Variants in PRKCI observed in about 807,000 individuals in gnomAD.
PRKCI encodes protein kinase C iota.
Under a neutral mutation model 84.0 loss-of-function variants are expected in PRKCI, and 43 were observed. The ratio of observed to expected loss-of-function variants is 0.51; its 90% CI spans 0.40 to 0.66. PRKCI has a LOEUF of 0.66. Among genes scored for constraint, PRKCI ranks in the 30% least tolerant of loss-of-function variants. PRKCI has a pLI of 0.00. For synonymous variants in PRKCI, 216 were observed against 234.4 expected, an observed-to-expected ratio of 0.92 and a Z score of 0.72; for missense variants, 459 against 745.6, an observed-to-expected ratio of 0.62 and a Z score of 4.48.
intron 2 of PRKCI, among the ~76,000 whole-genome samples, chr3:170,245,419 A>G (rs917778066): frequency 2.0e-5 from 3 of 152,064 alleles, no homozygotes; most frequent in African/African-American, 7.2e-5. Flanking sequence ...GCTTCTGGAA[A>G]ACTCACACAT....
intron 15 of PRKCI, among the ~76,000 whole-genome samples, chr3:170,297,077 A>G (rs1487385856): frequency 6.6e-6 from 1 of 152,176 alleles, no homozygotes; most frequent in African/African-American, 2.4e-5. Flanking sequence ...GGAATTGGTG[A>G]TGATTCTCTG....
intron 2 of PRKCI, among the ~76,000 whole-genome samples, chr3:170,255,411 C>A (rs553352326): frequency 6.6e-6 from 1 of 151,988 alleles, no homozygotes; most frequent in African/African-American, 2.4e-5. Context: ...TTTTTATTTG[C>A]AGTTACTGTA....
intron 2 of PRKCI, among the ~76,000 whole-genome samples, chr3:170,256,781 T>C (rs892491489): frequency 2.6e-5 from 4 of 152,154 alleles, no homozygotes; most frequent in Admixed American, 6.5e-5. Flanking sequence ...GCCTTTCTCC[T>C]TTTTTTGATG....
At chr3:170,297,459 G>A in intron 16 of PRKCI, 66 bp downstream of exon 16, 3 of 1,312,446 alleles carry the variant, frequency 2.3e-6, no homozygotes, top group Non-Finnish European at 3.2e-6. Context: ...TTTTGTTGTT[G>A]TTCTGTTTGT....
In PRKCI at chr3:170,275,133, G is replaced by T. The variant is rs1734082190; in HGVS notation, c.647-96G>T. Reference sequence around the variant, plus strand: ...GAAGTAAAAACTAAAATAAAAATCAGGAGACAATTTTTATTTCAAACTCAT... The same window carrying T: ...GAAGTAAAAACTAAAATAAAAATCATGAGACAATTTTTATTTCAAACTCAT... On this transcript the variant is annotated intron_variant, in intron 7 of 17. Transcript: ENST00000295797. 6 of 1,355,586 alleles carry T rather than the reference G, an allele frequency of 4.4e-6. No individual in the cohort carries two copies. The South Asian group carries it at 7.5e-5, about 17-fold the overall frequency. The allele number at this position is 1,355,586 out of a possible 1,614,324, so 84.0% of individuals were successfully genotyped here.
chr3:170,297,420 T>G, intron 16 of PRKCI, 27 bp downstream of exon 16: 1 of 1,545,314 alleles, frequency 6.5e-7, no homozygotes, highest in Non-Finnish European at 8.9e-7. Context: ...TACTCAACTA[T>G]TAGGTTTCAT....
intron 1 of PRKCI, among the ~76,000 whole-genome samples, chr3:170,223,585 T>A (rs1195081660): frequency 2.0e-5 from 3 of 152,206 alleles, no homozygotes; most frequent in Non-Finnish European, 4.4e-5. Context: ...TGACGCAAAG[T>A]GCCCCCCTTC....
At chr3:170,257,144 T>TGG (rs546704733) in intron 2 of PRKCI, among the ~76,000 whole-genome samples, 45 of 152,210 alleles carry the variant, frequency 3.0e-4, no homozygotes, top group Admixed American at 2.7e-3. Flanking sequence ...AATAAGTGGG[T>TGG]GGGTATATAG....
intron 2 of PRKCI, among the ~76,000 whole-genome samples, chr3:170,250,566 G>C (rs908419859): frequency 6.6e-5 from 10 of 150,488 alleles, no homozygotes; most frequent in Non-Finnish European, 1.3e-4. Flanking sequence ...ACTGATTCTA[G>C]ACATTTCCTA....
chr3:170,252,574 G>T (rs746495478), intron 2 of PRKCI, among the ~76,000 whole-genome samples: 1 of 151,198 alleles, frequency 6.6e-6, no homozygotes, highest in Non-Finnish European at 1.5e-5. Context: ...TCAAGTACTA[G>T]ATCTTTTTTT....
chr3:170,260,611 G>T (rs1733699979), intron 3 of PRKCI, among the ~76,000 whole-genome samples: 1 of 151,890 alleles, frequency 6.6e-6, no homozygotes, highest in South Asian at 2.1e-4. Context: ...CACCACCATG[G>T]CTGGCTAATT....
chr3:170,225,317 T>G (rs1732600754), intron 1 of PRKCI, among the ~76,000 whole-genome samples: 1 of 152,202 alleles, frequency 6.6e-6, no homozygotes, highest in African/African-American at 2.4e-5. Flanking sequence ...GTTTGTATAG[T>G]CTAAACTGAT....
In PRKCI at chr3:170,270,626, A is replaced by T; in HGVS notation, c.591+65A>T. ...GCGTGCTTGATAACACTGCTATAACAGAGTGCTAAAATAGGGAGGTGTTCA... is the reference window on the plus strand; with the variant it reads ...GCGTGCTTGATAACACTGCTATAACTGAGTGCTAAAATAGGGAGGTGTTCA... On this transcript the variant is annotated intron_variant, in intron 6 of 17. Transcript: ENST00000295797. 4.0e-6 allele frequency: 6 copies of T among 1,493,254 alleles called. No individual in the cohort carries two copies. In the South Asian group the frequency reaches 5.2e-5, roughly 13 times the overall value. 92.5% of individuals were successfully genotyped at this position (1,493,254 alleles called of 1,614,324 possible). A position where few individuals can be genotyped will look rare whatever the true frequency, so the allele number is the denominator to read the frequency against.
In PRKCI at chr3:170,222,654, GC is replaced by G; in HGVS notation, c.-15del. 6.4e-7 allele frequency: 1 copy of G among 1,562,400 alleles called. No individual in the cohort carries two copies. The highest frequency in any genetic ancestry group is 1.8e-5 in the Admixed American group (1 of 54,374). On this transcript the variant is annotated 5_prime_UTR_variant, in exon 1 of 18. Transcript: ENST00000295797. ...CGCACCCCCGGCCTCCAGCGTTGAGGCGGGGGAGTGAGGAGATGCCGACCCA... is the reference window on the plus strand; with the variant it reads ...CGCACCCCCGGCCTCCAGCGTTGAGGGGGGGAGTGAGGAGATGCCGACCCA...
rs1734878575 is a variant in PRKCI at position 170,303,646 on chromosome 3, A to G, written c.*519A>G. 1 of 223,918 alleles carries G rather than the reference A, an allele frequency of 4.5e-6. No homozygotes were observed. Among genetic ancestry groups the G allele is most frequent in the Non-Finnish European group, 8.9e-6 (1 of 112,198 alleles). The allele number at this position is 223,918 out of a possible 1,614,324, so 13.9% of individuals were successfully genotyped here. A position where few individuals can be genotyped will look rare whatever the true frequency, so the allele number is the denominator to read the frequency against. ...ATTGCCTTGGATAAATAAATTATTG[A>G]TCTTTTTTAAGGCAGCAGTTATTAA... On this transcript the variant is annotated 3_prime_UTR_variant, in exon 18 of 18. Coordinates refer to ENST00000295797, the MANE Select transcript of PRKCI (RefSeq NM_002740.6).
intron 1 of PRKCI, among the ~76,000 whole-genome samples, chr3:170,223,993 T>A (rs1029634278): frequency 2.0e-5 from 3 of 151,986 alleles, no homozygotes; most frequent in African/African-American, 7.3e-5. Flanking sequence ...TGTATACATG[T>A]GCCATACTGG....
intron 16 of PRKCI, 138 bp from the exon 17 acceptor site, chr3:170,298,857 G>A (rs1450712109): frequency 1.6e-6 from 1 of 613,394 alleles, no homozygotes; most frequent in Non-Finnish European, 2.9e-6. Flanking sequence ...TGTAAATTAT[G>A]TTCATCATTG....
chr3:170,301,611 A>C (rs889389205), intron 17 of PRKCI, among the ~76,000 whole-genome samples: 2 of 152,078 alleles, frequency 1.3e-5, no homozygotes, highest in Non-Finnish European at 2.9e-5. Context: ...AACAGATTAC[A>C]TAATACCTGC....
chr3:170,279,556 A>C (rs1346487066), intron 8 of PRKCI, among the ~76,000 whole-genome samples: 5 of 152,180 alleles, frequency 3.3e-5, no homozygotes, highest in Non-Finnish European at 7.3e-5. Context: ...TTCTCTGTAA[A>C]TTGCTAGAAG....
Sources: gnomAD v4.1 joint callset for allele counts (sites outside exome capture counted in the v4.1 genomes callset) on GRCh38, gnomAD v4.1.1 for gene constraint, MANE v1.5 for transcripts, NCBI Gene and HGNC (gene_info 2026-07-23, HGNC 2026-07-21) for gene names.